AIM2: variants seen among roughly 807,000 people sequenced by gnomAD.
AIM2 encodes absent in melanoma 2, also known as interferon-inducible protein AIM2.
Under a neutral mutation model 27.7 loss-of-function variants are expected in AIM2, and 30 were observed. That is an observed-to-expected ratio of 1.08 (90% CI 0.81 to 1.47). AIM2 has a LOEUF of 1.47. Ranked by LOEUF, AIM2 falls within the 40% of genes most tolerant of loss-of-function variation. The pLI is 0.00. For missense variants in AIM2, 358 were observed against 411.3 expected (o/e 0.87, Z 1.12); for synonymous variants, 141 against 145.3 (o/e 0.97, Z 0.21).
intron 1 of AIM2, among the ~76,000 whole-genome samples, chr1:159,126,443 C>T (rs559204301): frequency 2.0e-5 from 3 of 152,072 alleles, no homozygotes; most frequent in Non-Finnish European, 4.4e-5. Context: ...GTCAGGAGAT[C>T]GAGACCATCC....
At chr1:159,081,350 C>A, upstream of AIM2, 1 of 284,086 alleles carries the variant, frequency 3.5e-6, no homozygotes. Context: ...ATGCTTGCAC[C>A]ACATAAAAAT....
intron 1 of AIM2, among the ~76,000 whole-genome samples, chr1:159,074,759 C>T (rs923383329): frequency 1.3e-5 from 2 of 151,872 alleles, no homozygotes; most frequent in Admixed American, 6.6e-5. Context: ...ATAAGAACAT[C>T]GAATACAATA....
downstream of AIM2, among the ~76,000 whole-genome samples, chr1:159,058,226 G>A (rs372126940): frequency 2.0e-5 from 3 of 152,030 alleles, no homozygotes; most frequent in South Asian, 2.1e-4. Flanking sequence ...GTGCATGCCT[G>A]TAGTCCCAGC....
chr1:159,117,205 A>G (rs751881323), intron 1 of AIM2, among the ~76,000 whole-genome samples: 15 of 152,190 alleles, frequency 9.9e-5, no homozygotes, highest in Non-Finnish European at 1.9e-4. Flanking sequence ...CGGAGGAGAC[A>G]GGTGCATTTG....
chr1:159,068,514 A>G, intron 3 of AIM2, 54 bp downstream of exon 3: 1 of 1,536,532 alleles, frequency 6.5e-7, no homozygotes, highest in South Asian at 1.3e-5. Context: ...GGGAAGTGAC[A>G]GTGACAGTGA....
At chr1:159,110,136 T>C (rs1657534081) in intron 1 of AIM2, among the ~76,000 whole-genome samples, 1 of 152,144 alleles carries the variant, frequency 6.6e-6, no homozygotes, top group East Asian at 1.9e-4. Context: ...CAATTTGCAA[T>C]TGCAAAAACG....
chr1:159,130,176 G>A (rs1387410444), intron 1 of AIM2, among the ~76,000 whole-genome samples: 1 of 152,100 alleles, frequency 6.6e-6, no homozygotes, highest in African/African-American at 2.4e-5. Flanking sequence ...AGTCTCATTT[G>A]CTCGCTTCTA....
intron 1 of AIM2, among the ~76,000 whole-genome samples, chr1:159,084,813 A>G (rs1312053650): frequency 7.1e-6 from 1 of 140,696 alleles, no homozygotes; most frequent in African/African-American, 3.0e-5. Flanking sequence ...ACACACACAC[A>G]CATACAGACA....
At chr1:159,063,272 C>T (rs894299178) in intron 5 of AIM2, among the ~76,000 whole-genome samples, 7 of 152,134 alleles carry the variant, frequency 4.6e-5, no homozygotes, top group East Asian at 3.8e-4. Flanking sequence ...CAACAATATG[C>T]GCCTCTGCCT....
At chr1:159,119,962 G>T (rs1036178211) in intron 1 of AIM2, among the ~76,000 whole-genome samples, 9 of 151,840 alleles carry the variant, frequency 5.9e-5, no homozygotes, top group Non-Finnish European at 1.3e-4. Context: ...TATAATACAT[G>T]ATATACATTA....
chr1:159,129,825 C>T (rs896708302), intron 1 of AIM2, among the ~76,000 whole-genome samples: 1 of 152,202 alleles, frequency 6.6e-6, no homozygotes, highest in African/African-American at 2.4e-5. Context: ...AGCATTTAAA[C>T]ATTCACTACC....
intron 1 of AIM2, among the ~76,000 whole-genome samples, chr1:159,120,178 A>T (rs1183547340): frequency 6.6e-6 from 1 of 152,142 alleles, no homozygotes; most frequent in African/African-American, 2.4e-5. Flanking sequence ...ACGTAAAATA[A>T]TTTCAAAATT....
chr1:159,092,244 G>A (rs1048543826), intron 1 of AIM2, among the ~76,000 whole-genome samples: 3 of 152,114 alleles, frequency 2.0e-5, no homozygotes, highest in African/African-American at 7.2e-5. Context: ...AAGTGACTCA[G>A]GAAATGATTC....
intron 2 of AIM2, among the ~76,000 whole-genome samples, chr1:159,069,699 C>T (rs963114930): frequency 1.3e-5 from 2 of 152,016 alleles, no homozygotes; most frequent in South Asian, 2.1e-4. Flanking sequence ...CATGCCACCA[C>T]GCCTGACTAA....
upstream of AIM2, among the ~76,000 whole-genome samples, chr1:159,080,470 C>T (rs1239070888): frequency 6.6e-6 from 1 of 152,176 alleles, no homozygotes; most frequent in Non-Finnish European, 1.5e-5. Context: ...AGTGATGCCT[C>T]AATTTCAGAA....
At chr1:159,133,315 T>C (rs1647942531) in intron 1 of AIM2, among the ~76,000 whole-genome samples, 3 of 152,254 alleles carry the variant, frequency 2.0e-5, no homozygotes, top group South Asian at 2.1e-4. Context: ...TTGATCACTG[T>C]TGAAACTGAG....
At chr1:159,102,264 C>A (rs1219530567) in intron 1 of AIM2, among the ~76,000 whole-genome samples, 1 of 152,190 alleles carries the variant, frequency 6.6e-6, no homozygotes, top group Non-Finnish European at 1.5e-5. Context: ...ACGCAGAAGA[C>A]AAGAATTGAG....
At chr1:159,097,973 A>G (rs1657214958) in intron 1 of AIM2, among the ~76,000 whole-genome samples, 2 of 152,148 alleles carry the variant, frequency 1.3e-5, no homozygotes, top group Admixed American at 1.3e-4. Context: ...ATTTATGAAA[A>G]CACATTTTTA....
intron 5 of AIM2, 73 bp from the exon 6 acceptor site, chr1:159,062,791 T>C: frequency 7.2e-7 from 1 of 1,380,480 alleles, no homozygotes; most frequent in South Asian, 1.2e-5. Context: ...GCAGTCACTA[T>C]GGCCTTCTGA....
Sources: gnomAD v4.1 joint callset for allele counts (sites outside exome capture counted in the v4.1 genomes callset) on GRCh38, gnomAD v4.1.1 for gene constraint, MANE v1.5 for transcripts, NCBI Gene and HGNC (gene_info 2026-07-23, HGNC 2026-07-21) for gene names.